The following MMP16 variants were observed in gnomAD, a reference collection of about 807,000 sequenced individuals.
The protein encoded by MMP16 is matrix metalloproteinase-16.
Under a neutral mutation model 67.8 loss-of-function variants are expected in MMP16, and 12 were observed. The observed-to-expected ratio is 0.18, with a 90% CI of 0.11 to 0.29. MMP16 has a LOEUF of 0.29. Ranked by LOEUF, MMP16 falls within the 10% of genes least tolerant of loss-of-function variation. The pLI, the probability that MMP16 is intolerant of heterozygous loss-of-function variation, is 1.00. For missense variants in MMP16, 475 were observed against 765.7 expected, an observed-to-expected ratio of 0.62 and a Z score of 4.48; for synonymous variants, 249 against 255.9, an observed-to-expected ratio of 0.97 and a Z score of 0.26.
At chr8:88,246,605 G>A (rs1810116179) in intron 1 of MMP16, among the ~76,000 whole-genome samples, 1 of 152,166 alleles carries the variant, frequency 6.6e-6, no homozygotes, top group African/African-American at 2.4e-5. Flanking sequence ...ATAACTGAAT[G>A]CTTACGGAAA....
intron 1 of MMP16, among the ~76,000 whole-genome samples, chr8:88,313,416 G>A (rs2130071135): frequency 6.6e-6 from 1 of 152,106 alleles, no homozygotes; most frequent in Admixed American, 6.6e-5. Flanking sequence ...TATTATTTCT[G>A]ACAGGCAATC....
chr8:88,127,094 A>G lies in MMP16; in HGVS notation c.710-8233T>C, dbSNP rs73287047. Among the ~76,000 whole-genome samples, 870 of 151,976 alleles carry G rather than the reference A, an allele frequency of 5.7e-3. 3 individuals are homozygous for G. The highest frequency in any genetic ancestry group is 0.02 in the African/African-American group (813 of 41,516). Reference sequence around the variant, plus strand: ...GTGCCAGAACAGGAATCTAAATATCAGTTCTGACTTTACCAAAACTAGTGC... The same window carrying G: ...GTGCCAGAACAGGAATCTAAATATCGGTTCTGACTTTACCAAAACTAGTGC... On this transcript the variant is annotated intron_variant, in intron 4 of 9. Coordinates refer to ENST00000286614, the MANE Select transcript of MMP16 (RefSeq NM_005941.5).
chr8:88,169,185 T>G (rs1038244271), intron 3 of MMP16, among the ~76,000 whole-genome samples: 3 of 152,156 alleles, frequency 2.0e-5, no homozygotes, highest in Non-Finnish European at 4.4e-5. Flanking sequence ...ATTTTGCCCT[T>G]TTAAGACTTT....
chr8:88,120,649 G>A (rs1180447726), intron 4 of MMP16, among the ~76,000 whole-genome samples: 1 of 151,856 alleles, frequency 6.6e-6, no homozygotes, highest in Non-Finnish European at 1.5e-5. Context: ...GCAGTCTAAC[G>A]AACAGCAGAA....
chr8:88,088,233 A>C (rs563311859), intron 6 of MMP16, among the ~76,000 whole-genome samples: 7 of 150,690 alleles, frequency 4.6e-5, no homozygotes, highest in African/African-American at 1.2e-4. Flanking sequence ...CTATAGATAT[A>C]TATAGATATC....
chr8:88,290,779 T>C (rs1246179277), intron 1 of MMP16, among the ~76,000 whole-genome samples: 8 of 152,108 alleles, frequency 5.3e-5, no homozygotes, highest in Non-Finnish European at 1.2e-4. Flanking sequence ...AAGAATGCTG[T>C]TCACCAAATC....
intron 1 of MMP16, among the ~76,000 whole-genome samples, chr8:88,287,077 G>C (rs1404724998): frequency 2.6e-5 from 4 of 152,132 alleles, no homozygotes; most frequent in African/African-American, 9.7e-5. Flanking sequence ...CTTGAGACCT[G>C]TAAGCACTTT....
chr8:88,129,948 A>G (rs1700014719), intron 4 of MMP16, among the ~76,000 whole-genome samples: 1 of 151,750 alleles, frequency 6.6e-6, no homozygotes, highest in South Asian at 2.1e-4. Context: ...CTTGAAATCA[A>G]CAACTCAGGA....
chr8:88,309,704 A>G (rs996494367), intron 1 of MMP16, among the ~76,000 whole-genome samples: 20 of 152,212 alleles, frequency 1.3e-4, no homozygotes, highest in African/African-American at 4.6e-4. Context: ...GATGTAATTC[A>G]GATAGACAGC....
chr8:88,273,367 A>C (rs113944091), intron 1 of MMP16, among the ~76,000 whole-genome samples: 318 of 151,770 alleles, frequency 2.1e-3, no homozygotes, highest in African/African-American at 7.0e-3. Flanking sequence ...TTGGGATTAC[A>C]GGCGTGAGCC....
chr8:88,322,514 G>A (rs1045792193), intron 1 of MMP16, among the ~76,000 whole-genome samples: 2 of 151,694 alleles, frequency 1.3e-5, no homozygotes, highest in African/African-American at 4.8e-5. Context: ...CTTCCTTATC[G>A]ACCTTTATTT....
intron 6 of MMP16, among the ~76,000 whole-genome samples, chr8:88,092,691 G>A (rs931705691): frequency 6.6e-6 from 1 of 151,768 alleles, no homozygotes; most frequent in African/African-American, 2.4e-5. Flanking sequence ...GTTATTCAAA[G>A]CAGAAATGTG....
At chr8:88,210,734 G>C (rs577508689) in intron 1 of MMP16, among the ~76,000 whole-genome samples, 2 of 152,230 alleles carry the variant, frequency 1.3e-5, no homozygotes, top group East Asian at 3.9e-4. Context: ...CAAGCACTTA[G>C]AGGTTTTTAT....
chr8:88,217,079 G>A (rs1356773619), intron 1 of MMP16, among the ~76,000 whole-genome samples: 1 of 151,920 alleles, frequency 6.6e-6, no homozygotes, highest in Admixed American at 6.6e-5. Flanking sequence ...TAGTATCATT[G>A]TTCTTCCAAT....
intron 1 of MMP16, among the ~76,000 whole-genome samples, chr8:88,211,958 T>C (rs768171591): frequency 6.6e-6 from 1 of 152,194 alleles, no homozygotes; most frequent in Non-Finnish European, 1.5e-5. Context: ...AAGGCTTATA[T>C]ACCACCTGGG....
At chr8:88,167,254 G>A (rs144058422) in intron 4 of MMP16, among the ~76,000 whole-genome samples, 1 of 152,030 alleles carries the variant, frequency 6.6e-6, no homozygotes, top group East Asian at 1.9e-4. Flanking sequence ...ATGTAGAAAA[G>A]ATATAGTAGA....
At chr8:88,055,818 C>T (rs1808324995) in intron 8 of MMP16, among the ~76,000 whole-genome samples, 1 of 151,548 alleles carries the variant, frequency 6.6e-6, no homozygotes, top group African/African-American at 2.4e-5. Flanking sequence ...TAAAATTCCC[C>T]AAAAGATGCA....
At chr8:88,130,412 G>C (rs1808008657) in intron 4 of MMP16, among the ~76,000 whole-genome samples, 1 of 151,540 alleles carries the variant, frequency 6.6e-6, no homozygotes, top group African/African-American at 2.4e-5. Context: ...GCTTTCTTTA[G>C]TTTGGATTTA....
intron 2 of MMP16, among the ~76,000 whole-genome samples, chr8:88,190,975 A>C (rs1471662584): frequency 6.6e-6 from 1 of 152,208 alleles, no homozygotes; most frequent in Non-Finnish European, 1.5e-5. Context: ...AGACATGGGG[A>C]AGGGGCACTG....
Sources: allele counts gnomAD v4.1 joint callset (sites outside exome capture counted in the v4.1 genomes callset), GRCh38; gene constraint gnomAD v4.1.1; transcripts MANE v1.5; gene names NCBI Gene and HGNC (gene_info 2026-07-23, HGNC 2026-07-21).